ZFYVE16: variants seen among roughly 807,000 people sequenced by gnomAD.
ZFYVE16 encodes the protein zinc finger FYVE-type containing 16, also known as zinc finger FYVE domain-containing protein 16.
Under a neutral mutation model 138.1 loss-of-function variants are expected in ZFYVE16, and 89 were observed. That is an observed-to-expected ratio of 0.64 (90% CI 0.54 to 0.77). The LOEUF is 0.77. ZFYVE16 is among the 30% of genes least tolerant of loss of function. The pLI is 0.00. For synonymous variants in ZFYVE16, 596 were observed against 618.3 expected, an observed-to-expected ratio of 0.96 and a Z score of 0.53; for missense variants, 1,793 against 1,786.7, an observed-to-expected ratio of 1.00 and a Z score of -0.06.
intron 7 of ZFYVE16, among the ~76,000 whole-genome samples, chr5:80,447,207 C>T (rs1458097184): frequency 1.5e-5 from 2 of 133,634 alleles, no homozygotes; most frequent in Non-Finnish European, 3.1e-5. Context: ...GCAGAGGTTG[C>T]AGTGAGCCAG....
chr5:80,452,758 A>G (rs1228044833), intron 11 of ZFYVE16, among the ~76,000 whole-genome samples: 3 of 152,084 alleles, frequency 2.0e-5, no homozygotes, highest in African/African-American at 4.8e-5. Context: ...AAGCTTGATG[A>G]TTCTTATTTT....
intron 8 of ZFYVE16, among the ~76,000 whole-genome samples, chr5:80,448,835 CCA>C (rs1751675861): frequency 6.6e-6 from 1 of 151,994 alleles, no homozygotes; most frequent in Admixed American, 6.6e-5. Flanking sequence ...TCCTTGGGCC[CCA>C]GTTTCCTTTG....
At chr5:80,449,924 CA>C (rs902326896) in intron 9 of ZFYVE16, among the ~76,000 whole-genome samples, 1 of 152,106 alleles carries the variant, frequency 6.6e-6, no homozygotes, top group African/African-American at 2.4e-5. Context: ...GCATCCCTGT[CA>C]ATCTTAGGTT....
intron 1 of ZFYVE16, among the ~76,000 whole-genome samples, chr5:80,417,458 T>C (rs1368608233): frequency 1.3e-5 from 2 of 152,246 alleles, no homozygotes; most frequent in African/African-American, 4.8e-5. Flanking sequence ...ATATTCACCA[T>C]TACTACCCTA....
chr5:80,415,993 A>G (rs1391316414), intron 1 of ZFYVE16, among the ~76,000 whole-genome samples: 1 of 151,982 alleles, frequency 6.6e-6, no homozygotes, highest in African/African-American at 2.4e-5. Context: ...GTTAACCTTG[A>G]TCACTTGACT....
chr5:80,461,157 CAGAT>C (rs1753065955), intron 15 of ZFYVE16, among the ~76,000 whole-genome samples: 1 of 152,188 alleles, frequency 6.6e-6, no homozygotes, highest in African/African-American at 2.4e-5. Flanking sequence ...TAGAGCATTT[CAGAT>C]TTCACCTTTC....
intron 18 of ZFYVE16, among the ~76,000 whole-genome samples, 160 bp from the exon 19 acceptor site, chr5:80,477,059 A>T (rs558893522): frequency 2.0e-5 from 3 of 152,222 alleles, no homozygotes; most frequent in Admixed American, 2.0e-4. Flanking sequence ...TAGTAGACAG[A>T]TAAAAGATAC....
intron 15 of ZFYVE16, among the ~76,000 whole-genome samples, chr5:80,467,133 G>A (rs1753829523): frequency 6.6e-6 from 1 of 152,148 alleles, no homozygotes; most frequent in Admixed American, 6.5e-5. Flanking sequence ...CTTTTCTCAG[G>A]GAGTGTTTGT....
intron 1 of ZFYVE16, among the ~76,000 whole-genome samples, chr5:80,420,737 A>G (rs888797972): frequency 9.9e-5 from 15 of 152,156 alleles, no homozygotes; most frequent in South Asian, 2.1e-4. Flanking sequence ...GCTATTGTGA[A>G]TAGTGCCGCA....
At position 80,467,879 on chromosome 5, in the gene ZFYVE16, A is replaced by G. The variant is rs370582906; in HGVS notation, c.4025-4882A>G. ...AAAGGAAACTATGTCTAAAGAACCA[A>G]AGGAAAGCATGAGAATGATGTCCAA... is the stretch of plus-strand genomic sequence containing the variant. On this transcript the variant is annotated intron_variant, in intron 15 of 18. Coordinates refer to ENST00000505560, the MANE Select transcript of ZFYVE16 (RefSeq NM_001284236.3). Among the ~76,000 whole-genome samples, 17 of 152,314 alleles carry G rather than the reference A, an allele frequency of 1.1e-4. 1 individual carries two copies. The highest frequency in any genetic ancestry group is 3.8e-4 in the African/African-American group (16 of 41,578).
intron 5 of ZFYVE16, among the ~76,000 whole-genome samples, chr5:80,442,666 G>A (rs1046001634): frequency 6.6e-6 from 1 of 152,180 alleles, no homozygotes; most frequent in Admixed American, 6.5e-5. Context: ...GGAAAGTGGA[G>A]GAGGTAAGGA....
chr5:80,472,455 A>G (rs940378213), intron 15 of ZFYVE16, among the ~76,000 whole-genome samples: 2 of 151,714 alleles, frequency 1.3e-5, no homozygotes, highest in Admixed American at 6.6e-5. Flanking sequence ...ATTGTCCAGA[A>G]CCTGAAAACA....
intron 5 of ZFYVE16, among the ~76,000 whole-genome samples, chr5:80,442,234 G>T (rs1561285011): frequency 6.6e-6 from 1 of 152,048 alleles, no homozygotes; most frequent in Non-Finnish European, 1.5e-5. Context: ...CTCCCTAGTA[G>T]TTGGGACCAC....
chr5:80,421,676 C>T (rs913540577), intron 1 of ZFYVE16, among the ~76,000 whole-genome samples: 48 of 152,226 alleles, frequency 3.2e-4, no homozygotes, highest in African/African-American at 9.1e-4. Flanking sequence ...GTACCAGTAC[C>T]GTGCTGTTTT....
chr5:80,451,517 T>A lies in ZFYVE16; in HGVS notation c.3415T>A (p.Phe1139Ile). 2.5e-6 allele frequency: 4 copies of A among 1,613,300 alleles called. No homozygotes were observed. The highest frequency in any genetic ancestry group is 3.4e-6 in the Non-Finnish European group (4 of 1,179,718). Reference sequence around the variant, plus strand: ...CATAGAAAACTTGGACAATATTACCTTTACTGAGAGTTTTCTCAGTAGCAA... The same window carrying A: ...CATAGAAAACTTGGACAATATTACCATTACTGAGAGTTTTCTCAGTAGCAA... ...KYIENLDNITFTESFLSSKDH... is the reference protein window; with the variant it reads ...KYIENLDNITITESFLSSKDH... Residue 1139 changes from phenylalanine (F) to isoleucine (I), a missense_variant, in exon 11 of 19, where the codon TTT becomes ATT. Around this residue, in one of 2 missense-constraint regions of ZFYVE16, gnomAD observed 498 missense variants for 582.4 expected, o/e 0.86. Coordinates refer to ENST00000505560, the MANE Select transcript of ZFYVE16 (RefSeq NM_001284236.3).
At chr5:80,445,118 A>G (rs1751152993) in intron 6 of ZFYVE16, 145 bp from the exon 7 acceptor site, 1 of 809,930 alleles carries the variant, frequency 1.2e-6, no homozygotes, top group East Asian at 2.7e-5. Flanking sequence ...ACAAAAGGCC[A>G]TTTCTCTAGA....
At position 80,479,315 on chromosome 5, in the gene ZFYVE16, T is replaced by A. The variant is rs1291156810; in HGVS notation, c.*1938T>A. 6.6e-6 allele frequency: 1 copy of A among 152,242 alleles called. No homozygotes were observed. Among genetic ancestry groups the A allele is most frequent in the Non-Finnish European group, 1.5e-5 (1 of 68,030 alleles). The allele number at this position is 152,242 out of a possible 1,614,324, so 9.4% of individuals were successfully genotyped here. ...TAATACTACTCTCTTTCTCTGAATTTTGAAATATGAAGTAAAATCTAGCCC... is the reference window on the plus strand; with the variant it reads ...TAATACTACTCTCTTTCTCTGAATTATGAAATATGAAGTAAAATCTAGCCC... On this transcript the variant is annotated 3_prime_UTR_variant, in exon 19 of 19. Coordinates refer to ENST00000505560, the MANE Select transcript of ZFYVE16 (RefSeq NM_001284236.3).
chr5:80,470,098 TG>T (rs1350899109), intron 15 of ZFYVE16, among the ~76,000 whole-genome samples: 1,209 of 50,180 alleles, frequency 0.024, 37 homozygotes, highest in East Asian at 0.13. Context: ...TGTGTGTGTG[TG>T]TATTTTTTTT....
At chr5:80,476,557 T>C (rs1754930540) in intron 18 of ZFYVE16, among the ~76,000 whole-genome samples, 1 of 152,230 alleles carries the variant, frequency 6.6e-6, no homozygotes, top group Admixed American at 6.5e-5. Flanking sequence ...AAGTTCTCTT[T>C]CTGACATCCA....
Sources: gnomAD v4.1 joint callset for allele counts (sites outside exome capture counted in the v4.1 genomes callset) on GRCh38, gnomAD v4.1.1 for gene constraint, gnomAD v4.1.1 regional missense constraint, MANE v1.5 for transcripts, NCBI Gene and HGNC (gene_info 2026-07-23, HGNC 2026-07-21) for gene names.